MTHFD2L: variants seen among roughly 807,000 people sequenced by gnomAD.
MTHFD2L encodes the protein bifunctional methylenetetrahydrofolate dehydrogenase/cyclohydrolase 2, mitochondrial.
MTHFD2L carries 29 observed loss-of-function variants against 34.9 expected under a neutral mutation model. The ratio of observed to expected loss-of-function variants is 0.83; its 90% CI spans 0.62 to 1.13. The LOEUF is 1.13. MTHFD2L is among the 50% of genes most tolerant of loss of function. The pLI is 0.00. For synonymous variants in MTHFD2L, 167 were observed against 155.7 expected (o/e 1.07, Z -0.54); for missense variants, 481 against 446.5 (o/e 1.08, Z -0.70).
At chr4:74,165,118 A>C (rs1162440006) in intron 1 of MTHFD2L, 3 of 291,172 alleles carry the variant, frequency 1.0e-5, no homozygotes, top group African/African-American at 6.8e-5. Context: ...TATATTTGGA[A>C]TATCTATTGG....
At chr4:74,122,310 T>C (rs1349527367), upstream of MTHFD2L, among the ~76,000 whole-genome samples, 1 of 152,096 alleles carries the variant, frequency 6.6e-6, no homozygotes, top group African/African-American at 2.4e-5. Flanking sequence ...CTTATAATCA[T>C]GGTAGAAGGT....
intron 1 of MTHFD2L, among the ~76,000 whole-genome samples, chr4:74,137,949 A>T (rs79374856): frequency 0.01 from 1,588 of 152,170 alleles, 23 homozygotes; most frequent in African/African-American, 0.036. Context: ...AGAGACCAAG[A>T]ATGGCAGTGG....
intron 1 of MTHFD2L, among the ~76,000 whole-genome samples, chr4:74,141,915 T>C (rs1723292205): frequency 6.6e-6 from 1 of 152,170 alleles, no homozygotes; most frequent in Admixed American, 6.5e-5. Flanking sequence ...AAATATGTAA[T>C]GAAATGATGT....
At chr4:74,285,084 G>A (rs532095605) in intron 7 of MTHFD2L, among the ~76,000 whole-genome samples, 30 of 151,840 alleles carry the variant, frequency 2.0e-4, no homozygotes, top group African/African-American at 5.3e-4. Context: ...GCAAACTATC[G>A]CAAGGACAAA....
intron 2 of MTHFD2L, among the ~76,000 whole-genome samples, chr4:74,116,005 C>A (rs1194659321): frequency 1.3e-5 from 2 of 151,960 alleles, no homozygotes; most frequent in Non-Finnish European, 2.9e-5. Context: ...GAGTATATTC[C>A]TGAAGGGGAG....
intron 6 of MTHFD2L, among the ~76,000 whole-genome samples, chr4:74,250,610 G>C (rs1415806779): frequency 4.6e-5 from 7 of 152,158 alleles, no homozygotes; most frequent in Non-Finnish European, 8.8e-5. Context: ...TTCCTGGATA[G>C]TGCTAAAACT....
At chr4:74,272,558 CA>C (rs977622144) in intron 6 of MTHFD2L, among the ~76,000 whole-genome samples, 1 of 151,864 alleles carries the variant, frequency 6.6e-6, no homozygotes, top group Non-Finnish European at 1.5e-5. Context: ...TTTCTGTTTA[CA>C]GTATCTGCAA....
At chr4:74,281,280 A>C in intron 6 of MTHFD2L, 145 bp from the exon 7 acceptor site, 2 of 751,502 alleles carry the variant, frequency 2.7e-6, no homozygotes, top group Non-Finnish European at 2.0e-6. Context: ...TCGGATCAGA[A>C]ATCATCAATG....
At chr4:74,241,075 A>G (rs1301284605) in intron 6 of MTHFD2L, among the ~76,000 whole-genome samples, 3 of 152,208 alleles carry the variant, frequency 2.0e-5, no homozygotes, top group Non-Finnish European at 4.4e-5. Context: ...TATGTAGTAT[A>G]AAGAAGTCAT....
intron 1 of MTHFD2L, among the ~76,000 whole-genome samples, chr4:74,133,843 C>G (rs1361073021): frequency 1.3e-5 from 2 of 152,150 alleles, no homozygotes; most frequent in Non-Finnish European, 2.9e-5. Flanking sequence ...TTGCTTCTCT[C>G]CCCTCCACCA....
chr4:74,300,615 A>C (rs919534822), intron 7 of MTHFD2L, among the ~76,000 whole-genome samples: 4 of 152,082 alleles, frequency 2.6e-5, no homozygotes, highest in African/African-American at 4.8e-5. Flanking sequence ...TTATTCACAC[A>C]GTAAACCACC....
chr4:74,200,285 C>G (rs1332284267), intron 4 of MTHFD2L, among the ~76,000 whole-genome samples: 1 of 151,828 alleles, frequency 6.6e-6, no homozygotes, highest in Non-Finnish European at 1.5e-5. Context: ...GCACTTCAGC[C>G]TGGGCGACAG....
intron 1 of MTHFD2L, among the ~76,000 whole-genome samples, chr4:74,128,976 C>T (rs529047741): frequency 8.8e-4 from 134 of 152,132 alleles, no homozygotes; most frequent in Non-Finnish European, 1.4e-3. Flanking sequence ...CTCTTCTCTT[C>T]CTTTATTACC....
chr4:74,137,191 G>A (rs1404279691), intron 1 of MTHFD2L, among the ~76,000 whole-genome samples: 2 of 151,878 alleles, frequency 1.3e-5, no homozygotes, highest in East Asian at 1.9e-4. Flanking sequence ...CCCAGAATGG[G>A]AAAAAACAAT....
intron 6 of MTHFD2L, among the ~76,000 whole-genome samples, chr4:74,254,540 C>A (rs996939327): frequency 6.9e-6 from 1 of 144,116 alleles, no homozygotes. Flanking sequence ...AATATATCAG[C>A]AAAACTGTCC....
upstream of MTHFD2L, chr4:74,123,329 G>A (rs1274016032): frequency 6.6e-6 from 1 of 152,134 alleles, no homozygotes; most frequent in African/African-American, 2.4e-5. Flanking sequence ...GTGGGAAACT[G>A]GAAAGAAACA....
chr4:74,240,466 A>T (rs1741536503), intron 6 of MTHFD2L, among the ~76,000 whole-genome samples: 1 of 152,196 alleles, frequency 6.6e-6, no homozygotes, highest in African/African-American at 2.4e-5. Flanking sequence ...GTGTTGGAAC[A>T]TTTAATGGGT....
chr4:74,190,596 C>A, intron 3 of MTHFD2L: 1 of 830,718 alleles, frequency 1.2e-6, no homozygotes, highest in Non-Finnish European at 1.5e-6. Flanking sequence ...AGAGTGTGTT[C>A]CCATTCCTTT....
chr4:74,178,667 C>A (rs1729520849), intron 3 of MTHFD2L, among the ~76,000 whole-genome samples: 1 of 151,914 alleles, frequency 6.6e-6, no homozygotes, highest in Admixed American at 6.6e-5. Context: ...TTCTATGTAG[C>A]CAAAAAGCCA....
Sources: gnomAD v4.1 joint callset for allele counts (sites outside exome capture counted in the v4.1 genomes callset) on GRCh38, gnomAD v4.1.1 for gene constraint, MANE v1.5 for transcripts, NCBI Gene and HGNC (gene_info 2026-07-23, HGNC 2026-07-21) for gene names.